The following RBSN variants were observed in gnomAD, a reference collection of about 807,000 sequenced individuals.
RBSN encodes the protein rabenosyn, RAB effector, also known as rabenosyn-5.
In RBSN, 34 loss-of-function variants were observed where a neutral mutation model predicts 60.5. The observed-to-expected ratio is 0.56, with a 90% confidence interval of 0.43 to 0.75. RBSN has a LOEUF of 0.75. Ranked by LOEUF, RBSN falls within the 30% of genes least tolerant of loss-of-function variation. The pLI is 0.00. For missense variants in RBSN, 845 were observed against 986.8 expected (o/e 0.86, Z 1.92); for synonymous variants, 322 against 366.9 (o/e 0.88, Z 1.40).
chr3:15,083,648 A>G (rs2043262807), intron 8 of RBSN, among the ~76,000 whole-genome samples: 1 of 151,952 alleles, frequency 6.6e-6, no homozygotes, highest in Non-Finnish European at 1.5e-5. Context: ...AATCCTACTC[A>G]TCTTTTAAGG....
chr3:15,082,727 G>T lies in RBSN; in HGVS notation c.599-119C>A. 7.0e-7 allele frequency: 1 copy of T among 1,420,762 alleles called. No homozygotes were observed. The highest frequency in any genetic ancestry group is 9.5e-7 in the Non-Finnish European group (1 of 1,053,806). The allele number at this position is 1,420,762 out of a possible 1,614,324, so 88.0% of individuals were successfully genotyped here. On this transcript the variant is annotated intron_variant, in intron 8 of 13. Transcript: ENST00000253699. The surrounding 1 kb of genome is among the most constrained non-coding windows in gnomAD (Gnocchi z 4.2). ...TGGAGAGTAATAAGATCAGGCTCCA[G>T]CTGTGGGCACGTACTGCCCCTCTGC...
Position 15,078,779 on chromosome 3 carries a change from CATATATATATATATATATATATATAT to C in RBSN, c.912-644_912-619del, listed in dbSNP as rs57572763. Reference sequence around the variant, plus strand: ...GGTCTCAAAAAAAAAAAAAAAAATACATATATATATATATATATATATATATATATATATATATATATATACATGGT... The same window carrying C: ...GGTCTCAAAAAAAAAAAAAAAAATACATATATATATATATATATACATGGT... On this transcript the variant is annotated intron_variant, in intron 10 of 13. Transcript: ENST00000253699. Among the ~76,000 whole-genome samples, 32 of 50,688 alleles carry C rather than the reference CATATATATATATATATATATATATAT, an allele frequency of 6.3e-4. 2 individuals are homozygous for C. Among genetic ancestry groups the C allele is most frequent in the South Asian group, 2.2e-3 (3 of 1,390 alleles). The allele number at this position is 50,688 out of a possible 152,430, so 33.3% of individuals were successfully genotyped here.
rs537059519 is a variant in RBSN at position 15,086,160 on chromosome 3, G to A, written c.290-199C>T. ...CGCCTATAATCCCAGCTCCTTGGGAGGCCAAGGCGGGAAGATGGCTTGAGC... is the reference window on the plus strand; with the variant it reads ...CGCCTATAATCCCAGCTCCTTGGGAAGCCAAGGCGGGAAGATGGCTTGAGC... On this transcript the variant is annotated intron_variant, in intron 5 of 13. Transcript: ENST00000253699. 1.8e-5 allele frequency: 9 copies of A among 512,574 alleles called. No homozygotes were observed. The Admixed American group carries it at 2.0e-4, about 11-fold the overall frequency. 31.8% of individuals were successfully genotyped at this position (512,574 alleles called of 1,614,324 possible). A position where few individuals can be genotyped will look rare whatever the true frequency, so the allele number is the denominator to read the frequency against.
chr3:15,096,235 AG>A lies in RBSN; in HGVS notation c.-116del. The A allele has an allele frequency of 8.6e-7, 1 of 1,161,568 alleles. No homozygotes were observed. The highest frequency in any genetic ancestry group is 2.8e-5 in the East Asian group (1 of 36,306). The allele number at this position is 1,161,568 out of a possible 1,614,324, so 72.0% of individuals were successfully genotyped here. A position where few individuals can be genotyped will look rare whatever the true frequency, so the allele number is the denominator to read the frequency against. ...TAGCTTAAGCAGCACACAGATGGTG[AG>A]GAAGTGGCTTCATGGCCCTGGATGA... is the stretch of plus-strand genomic sequence containing the variant. On this transcript the variant is annotated 5_prime_UTR_variant, in exon 4 of 14. An upstream open reading frame in the 5' UTR loses its in-frame stop. Coordinates refer to ENST00000253699, the MANE Select transcript of RBSN (RefSeq NM_022340.4).
intron 10 of RBSN, among the ~76,000 whole-genome samples, chr3:15,078,739 G>A (rs1488647533): frequency 2.6e-5 from 3 of 116,434 alleles, no homozygotes; most frequent in Admixed American, 2.2e-4. Context: ...CAGCCTAGGC[G>A]ACAGAGCAAA....
In RBSN at chr3:15,072,730, T is replaced by G. The variant is rs2042949222; in HGVS notation, c.*1052A>C. 1 of 152,166 alleles carries G rather than the reference T, an allele frequency of 6.6e-6. No homozygotes were observed. Among genetic ancestry groups the G allele is most frequent in the Non-Finnish European group, 1.5e-5 (1 of 68,018 alleles). 9.4% of individuals were successfully genotyped at this position (152,166 alleles called of 1,614,324 possible). On this transcript the variant is annotated 3_prime_UTR_variant, in exon 14 of 14. Transcript: ENST00000253699. ...AAAGTTAACCACTCTTATTTTTTTT[T>G]GAGACGGAGTCTCACTCTCACTGCC...
chr3:15,091,246 ATACCTCAGTT>A, intron 4 of RBSN: 10 of 445,586 alleles, frequency 2.2e-5, no homozygotes, highest in Non-Finnish European at 3.0e-5. Context: ...AATTAAAACT[ATACCTCAGTT>A]AAAATAATGT....
At chr3:15,097,169 T>A (rs1414517783) in intron 2 of RBSN, among the ~76,000 whole-genome samples, 1 of 152,178 alleles carries the variant, frequency 6.6e-6, no homozygotes, top group Non-Finnish European at 1.5e-5. Flanking sequence ...ACAGATCTTA[T>A]AAGCCATTAA....
In RBSN at chr3:15,080,952, T is replaced by C. The variant is rs906684661; in HGVS notation, c.841-150A>G. ...TCAATTTCCTGATTTATAGGCATAC[T>C]TTCCAAGCAGAAAATTTTGTAGGAA... On this transcript the variant is annotated intron_variant, in intron 9 of 13. Coordinates refer to ENST00000253699, the MANE Select transcript of RBSN (RefSeq NM_022340.4). 3 of 629,874 alleles carry C rather than the reference T, an allele frequency of 4.8e-6. No individual in the cohort carries two copies. The African/African-American group carries it at 5.5e-5, about 12-fold the overall frequency. The allele number at this position is 629,874 out of a possible 1,614,324, so 39.0% of individuals were successfully genotyped here. A position where few individuals can be genotyped will look rare whatever the true frequency, so the allele number is the denominator to read the frequency against.
At position 15,090,436 on chromosome 3, in the gene RBSN, T is replaced by A; in HGVS notation, c.252A>T (p.Gly84=). 1 of 1,614,210 alleles carries A rather than the reference T, an allele frequency of 6.2e-7. No homozygotes were observed. Residue 84 remains glycine, a synonymous_variant, in exon 5 of 14, where the codon GGA becomes GGT. Coordinates refer to ENST00000253699, the MANE Select transcript of RBSN (RefSeq NM_022340.4). ...GTTCCCACATGTAAGGATCAACCCC[T>A]CCATAGCTGAAAGACTCATATCCTT... The part of the protein sequence containing the change: ...GTQGYESFSY[G]GVDPYMWEPQ...
chr3:15,085,130 T>G, intron 6 of RBSN, 85 bp from the exon 7 acceptor site: 1 of 1,491,404 alleles, frequency 6.7e-7, no homozygotes, highest in Non-Finnish European at 9.3e-7. Context: ...AGTGGGAAAT[T>G]AGCACATTTG....
At chr3:15,085,718 C>A in intron 6 of RBSN, 143 bp downstream of exon 6, 1 of 700,958 alleles carries the variant, frequency 1.4e-6, no homozygotes, top group Non-Finnish European at 2.5e-6. Flanking sequence ...TCCACCATGT[C>A]CTTTGCACCT....
At chr3:15,090,919 AT>A (rs1191004197) in intron 4 of RBSN, among the ~76,000 whole-genome samples, 7 of 152,098 alleles carry the variant, frequency 4.6e-5, no homozygotes, top group Non-Finnish European at 1.0e-4. Context: ...GGGTATATAC[AT>A]TTTTGAAAAC....
chr3:15,082,233 G>A lies in RBSN; in HGVS notation c.840+134C>T. On this transcript the variant is annotated intron_variant, in intron 9 of 13. Coordinates refer to ENST00000253699, the MANE Select transcript of RBSN (RefSeq NM_022340.4). The surrounding 1 kb of genome is among the most constrained non-coding windows in gnomAD (Gnocchi z 4.2). ...GCCCTAGCTGGGAAATCATAACATG[G>A]GCCTTTAACAGGAACTACAAATAAT... The A allele has an allele frequency of 8.3e-7, 1 of 1,198,190 alleles. No homozygotes were observed. The highest frequency in any genetic ancestry group is 1.2e-6 in the Non-Finnish European group (1 of 853,008). 74.2% of individuals were successfully genotyped at this position (1,198,190 alleles called of 1,614,324 possible). A position where few individuals can be genotyped will look rare whatever the true frequency, so the allele number is the denominator to read the frequency against.
Position 15,072,571 on chromosome 3 carries a change from C to T in RBSN, c.*1211G>A, listed in dbSNP as rs779496961. 2.0e-5 allele frequency: 3 copies of T among 152,320 alleles called. No individual in the cohort carries two copies. Among genetic ancestry groups the T allele is most frequent in the South Asian group, 2.1e-4 (1 of 4,830 alleles). 9.4% of individuals were successfully genotyped at this position (152,320 alleles called of 1,614,324 possible). ...ATCACCGATTCCTAAATTAGAGACC[C>T]GGCCTTTTAAACAGACCCAGATCAG... On this transcript the variant is annotated 3_prime_UTR_variant, in exon 14 of 14. Coordinates refer to ENST00000253699, the MANE Select transcript of RBSN (RefSeq NM_022340.4).
Position 15,074,902 on chromosome 3 carries a change from T to G in RBSN, c.1235A>C (p.Glu412Ala). 6.2e-7 allele frequency: 1 copy of G among 1,612,594 alleles called. No homozygotes were observed. Among genetic ancestry groups the G allele is most frequent in the Non-Finnish European group, 8.5e-7 (1 of 1,179,466 alleles). The change falls in exon 14 of 14, where the codon GAG becomes GCG. Residue 412 changes from glutamate (E) to alanine (A), a missense_variant. Glu to Ala is a moderately radical substitution (Grantham distance 107). Coordinates refer to ENST00000253699, the MANE Select transcript of RBSN (RefSeq NM_022340.4). This position sits in a 1 kb window ranked among gnomAD's most constrained non-coding sequence, Gnocchi z 6.4. ...QAALESQRRL[E>A]ERQSGLASRA... is the part of the protein sequence containing the mutation. ...AGAAGCCAGGCCACTCTGCCTTTCC[T>G]CAAGCCTTCGCTGGGACTCCAGGGC... is the stretch of plus-strand genomic sequence containing the variant.
chr3:15,086,468 A>G (rs954781730), intron 5 of RBSN, among the ~76,000 whole-genome samples: 1 of 152,210 alleles, frequency 6.6e-6, no homozygotes, highest in African/African-American at 2.4e-5. Context: ...TCAAGTTTCA[A>G]TTCTGCCACA....
At position 15,091,545 on chromosome 3, in the gene RBSN, T is replaced by C. The variant is rs569517855; in HGVS notation, c.149-1006A>G. ...ATTGGGTAAGAAGAGAAAATGAACA[T>C]TTCCTGTATTTAGCCATCGTATGTA... On this transcript the variant is annotated intron_variant, in intron 4 of 13. Transcript: ENST00000253699. 3.1e-5 allele frequency: 39 copies of C among 1,255,386 alleles called. 1 individual carries two copies. The East Asian group carries it at 2.0e-3, about 64-fold the overall frequency. 77.8% of individuals were successfully genotyped at this position (1,255,386 alleles called of 1,614,324 possible).
At position 15,071,035 on chromosome 3, in the gene RBSN, G is replaced by A. The variant is rs2042916129; in HGVS notation, c.*2747C>T. 6.6e-6 allele frequency: 1 copy of A among 152,228 alleles called. No individual in the cohort carries two copies. The highest frequency in any genetic ancestry group is 2.4e-5 in the African/African-American group (1 of 41,436). The allele number at this position is 152,228 out of a possible 1,614,324, so 9.4% of individuals were successfully genotyped here. On this transcript the variant is annotated 3_prime_UTR_variant, in exon 14 of 14. Coordinates refer to ENST00000253699, the MANE Select transcript of RBSN (RefSeq NM_022340.4). ...CACGGGGTTTCACCATGTTGGCCATGCTAGTCTCAAATTCCTGACCTCAGG... is the reference window on the plus strand; with the variant it reads ...CACGGGGTTTCACCATGTTGGCCATACTAGTCTCAAATTCCTGACCTCAGG...
Sources: allele counts gnomAD v4.1 joint callset (sites outside exome capture counted in the v4.1 genomes callset), GRCh38; gene constraint gnomAD v4.1.1; non-coding constraint Gnocchi (gnomAD v3.1); transcripts MANE v1.5; gene names NCBI Gene and HGNC (gene_info 2026-07-23, HGNC 2026-07-21).